The following ZDHHC1 variants were observed in gnomAD, a reference collection of about 807,000 sequenced individuals.
ZDHHC1 encodes zDHHC palmitoyltransferase 1.
Under a neutral mutation model 46.9 loss-of-function variants are expected in ZDHHC1, and 45 were observed. The ratio of observed to expected loss-of-function variants is 0.96; its 90% confidence interval spans 0.76 to 1.23. The LOEUF (loss-of-function observed/expected upper bound fraction) is 1.23, where lower values mean the gene tolerates loss of function less well. Ranked by LOEUF, ZDHHC1 falls within the 50% of genes most tolerant of loss-of-function variation. The probability of loss-of-function intolerance (pLI) is 0.00; values close to 1 mark genes in which losing one functional copy is unlikely to be tolerated. For synonymous variants in ZDHHC1, 291 were observed against 286.0 expected (o/e 1.02, Z -0.18); for missense variants, 649 against 670.8 (o/e 0.97, Z 0.36).
At chr16:67,414,121 C>T (rs955384095) in intron 1 of ZDHHC1, among the ~76,000 whole-genome samples, 2 of 152,076 alleles carry the variant, frequency 1.3e-5, no homozygotes, top group Non-Finnish European at 2.9e-5. Context: ...GGGAGTAACA[C>T]AGAATAGAAA....
rs1311750849 is a variant in ZDHHC1 at position 67,394,775 on chromosome 16, C to T, written c.1284G>A (p.Glu428=). The T allele has an allele frequency of 2.0e-6, 3 of 1,530,654 alleles. No individual in the cohort carries two copies. The highest frequency in any genetic ancestry group is 2.8e-5 in the African/African-American group (2 of 72,488). The allele number at this position is 1,530,654 out of a possible 1,614,324, so 94.8% of individuals were successfully genotyped here. ...YHSASAESVD[E]IPVAQTRLGS... is the part of the protein sequence containing the mutation. Reference sequence around the variant, plus strand: ...CCAGGCGCGTCTGCGCCACTGGAATCTCGTCCACGGACTCTGCCGACGCCG... The same window carrying T: ...CCAGGCGCGTCTGCGCCACTGGAATTTCGTCCACGGACTCTGCCGACGCCG... The change falls in exon 12 of 12, where the codon GAG becomes GAA. Residue 428 remains glutamate (E), a synonymous_variant. Coordinates refer to ENST00000565726, the MANE Select transcript of ZDHHC1 (RefSeq NM_001323627.2).
intron 8 of ZDHHC1, chr16:67,396,265 C>T (rs1037536447): frequency 6.6e-6 from 1 of 152,166 alleles, no homozygotes; most frequent in African/African-American, 2.4e-5. Flanking sequence ...TGCACCCCCG[C>T]CCGCAGGACT....
intron 8 of ZDHHC1, among the ~76,000 whole-genome samples, chr16:67,397,061 C>T (rs969707819): frequency 1.3e-5 from 2 of 152,344 alleles, no homozygotes; most frequent in Admixed American, 1.3e-4. Flanking sequence ...GGGCCCTCAG[C>T]CTCAGCTCTC....
At chr16:67,403,434 C>A (rs981241780) in intron 3 of ZDHHC1, among the ~76,000 whole-genome samples, 1 of 152,102 alleles carries the variant, frequency 6.6e-6, no homozygotes, top group Non-Finnish European at 1.5e-5. Context: ...TGCTAGTTCT[C>A]GGCCTCTAAT....
chr16:67,399,424 T>C lies in ZDHHC1; in HGVS notation c.461A>G (p.Asn154Ser), dbSNP rs766169565. 1 of 1,613,286 alleles carries C rather than the reference T, an allele frequency of 6.2e-7. No homozygotes were observed. The highest frequency in any genetic ancestry group is 8.5e-7 in the Non-Finnish European group (1 of 1,179,822). ...SARSKHCSACNKCVCGFDHHC... is the reference protein window; with the variant it reads ...SARSKHCSACSKCVCGFDHHC... ...GTGGTCGAAACCGCACACGCACTTG[T>C]TGCAGGCGCTGCAGTGCTTGGAGCG... The change falls in exon 5 of 12, where the codon AAC (asparagine) becomes AGC (serine). Residue 154 changes from asparagine (N) to serine (S), a missense_variant. By Grantham distance (46) the Asn-to-Ser change is conservative. Transcript: ENST00000565726.
At chr16:67,413,081 ATT>A (rs797011908) in intron 1 of ZDHHC1, among the ~76,000 whole-genome samples, 5 of 130,544 alleles carry the variant, frequency 3.8e-5, no homozygotes, top group African/African-American at 5.7e-5. Flanking sequence ...CACCCAGCCT[ATT>A]TTTTTTTTTT....
At chr16:67,404,475 C>G in intron 3 of ZDHHC1, 1 of 325,508 alleles carries the variant, frequency 3.1e-6, no homozygotes. Flanking sequence ...CTCAGGGGAC[C>G]TGAGAGAGCC....
Position 67,398,198 on chromosome 16 carries a change from T to G in ZDHHC1, c.927+14A>C. On this transcript the variant is annotated intron_variant, in intron 8 of 11. Transcript: ENST00000565726. ...CCCACACCCAGGCCCCCTCCCACCC[T>G]TCATCCTCTATACCTGAATGGGCCG... 1.1e-4 allele frequency: 132 copies of G among 1,216,026 alleles called. No homozygotes were observed. The highest frequency in any genetic ancestry group is 1.5e-4 in the Non-Finnish European group (125 of 835,472). The allele number at this position is 1,216,026 out of a possible 1,614,324, so 75.3% of individuals were successfully genotyped here.
intron 8 of ZDHHC1, chr16:67,395,819 C>G: frequency 1.9e-6 from 1 of 529,490 alleles, no homozygotes; most frequent in South Asian, 2.2e-5. Flanking sequence ...GCTCCCAGCC[C>G]CCATGGGTCT....
intron 8 of ZDHHC1, among the ~76,000 whole-genome samples, chr16:67,397,218 C>T (rs963394610): frequency 9.2e-5 from 14 of 152,254 alleles, no homozygotes; most frequent in Non-Finnish European, 1.8e-4. Flanking sequence ...CCAAAGAGCC[C>T]GCCCTGCTTC....
intron 3 of ZDHHC1, among the ~76,000 whole-genome samples, chr16:67,403,504 G>A (rs1444745871): frequency 3.9e-5 from 6 of 152,176 alleles, no homozygotes; most frequent in Admixed American, 6.5e-5. Context: ...GACCAGTGCC[G>A]TGGAAACAGA....
rs543966422 is a variant in ZDHHC1, at chr16:67,399,270, C to T, written c.530+85G>A. The T allele has an allele frequency of 4.9e-4, 621 of 1,276,164 alleles. 1 individual carries two copies. Among genetic ancestry groups the T allele is most frequent in the Non-Finnish European group, 6.6e-4 (599 of 904,072 alleles). The allele number at this position is 1,276,164 out of a possible 1,614,324, so 79.1% of individuals were successfully genotyped here. ...TCCTCGAAGCATCCCCATCCCCGCCCGCCTGCCATGCGAGCTGCAAGGTCT... is the reference window on the plus strand; with the variant it reads ...TCCTCGAAGCATCCCCATCCCCGCCTGCCTGCCATGCGAGCTGCAAGGTCT... On this transcript the variant is annotated intron_variant, in intron 5 of 11. Transcript: ENST00000565726.
Position 67,406,098 on chromosome 16 carries a change from T to G in ZDHHC1, c.252+102A>C. 1 of 1,466,818 alleles carries G rather than the reference T, an allele frequency of 6.8e-7. No individual in the cohort carries two copies. Among genetic ancestry groups the G allele is most frequent in the South Asian group, 1.4e-5 (1 of 69,132 alleles). The allele number at this position is 1,466,818 out of a possible 1,614,324, so 90.9% of individuals were successfully genotyped here. On this transcript the variant is annotated intron_variant, in intron 3 of 11. Transcript: ENST00000565726. The surrounding 1 kb of genome is among the most constrained non-coding windows in gnomAD (Gnocchi z 4.1). ...GCCCACCCTGCTCCACTCTCCTGACTGTGCTCCCCAAGGCTCTCAACCCGG... is the reference window on the plus strand; with the variant it reads ...GCCCACCCTGCTCCACTCTCCTGACGGTGCTCCCCAAGGCTCTCAACCCGG...
At chr16:67,413,082 T>C (rs1409243611) in intron 1 of ZDHHC1, among the ~76,000 whole-genome samples, 1 of 138,628 alleles carries the variant, frequency 7.2e-6, no homozygotes, top group East Asian at 2.0e-4. Flanking sequence ...ACCCAGCCTA[T>C]TTTTTTTTTT....
Position 67,394,773 on chromosome 16 carries a change from A to C in ZDHHC1, c.1286T>G (p.Ile429Ser). The change falls in exon 12 of 12, where the codon ATT becomes AGT. Residue 429 changes from isoleucine (I) to serine (S), a missense_variant. Physicochemically the swap from Ile to Ser is moderately radical, Grantham distance 142. Coordinates refer to ENST00000565726, the MANE Select transcript of ZDHHC1 (RefSeq NM_001323627.2). The stretch of plus-strand genomic sequence containing the variant: ...GCCCAGGCGCGTCTGCGCCACTGGA[A>C]TCTCGTCCACGGACTCTGCCGACGC... ...HSASAESVDE[I>S]PVAQTRLGSA... The C allele has an allele frequency of 5.2e-6, 8 of 1,529,906 alleles. No individual in the cohort carries two copies. The highest frequency in any genetic ancestry group is 7.0e-6 in the Non-Finnish European group (8 of 1,144,062). 94.8% of individuals were successfully genotyped at this position (1,529,906 alleles called of 1,614,324 possible). A position where few individuals can be genotyped will look rare whatever the true frequency, so the allele number is the denominator to read the frequency against.
Position 67,394,790 on chromosome 16 carries a change from T to G in ZDHHC1, c.1269A>C (p.Ala423=). The G allele has an allele frequency of 6.5e-7, 1 of 1,534,774 alleles. No homozygotes were observed. The highest frequency in any genetic ancestry group is 8.7e-7 in the Non-Finnish European group (1 of 1,145,462). Residue 423 remains alanine (A), a synonymous_variant, in exon 12 of 12, where the codon GCA becomes GCC. Transcript: ENST00000565726. ...GPAGAYHSAS[A]ESVDEIPVAQ... ...CCACTGGAATCTCGTCCACGGACTCTGCCGACGCCGAGTGGTAGGCGCCGG... is the reference window on the plus strand; with the variant it reads ...CCACTGGAATCTCGTCCACGGACTCGGCCGACGCCGAGTGGTAGGCGCCGG...
At position 67,406,535 on chromosome 16, in the gene ZDHHC1, G is replaced by C. The variant is rs1411434563; in HGVS notation, c.10-93C>G. Reference sequence around the variant, plus strand: ...CTGCAGCCAAGTTTCAGCACAGGGGGAGTAGGCTGCGACAGCTACTCTGCT... The same window carrying C: ...CTGCAGCCAAGTTTCAGCACAGGGGCAGTAGGCTGCGACAGCTACTCTGCT... On this transcript the variant is annotated intron_variant, in intron 2 of 11. Coordinates refer to ENST00000565726, the MANE Select transcript of ZDHHC1 (RefSeq NM_001323627.2). This position sits in a 1 kb window ranked among gnomAD's most constrained non-coding sequence, Gnocchi z 4.1. The C allele has an allele frequency of 7.1e-7, 1 of 1,411,722 alleles. No individual in the cohort carries two copies. The highest frequency in any genetic ancestry group is 9.3e-7 in the Non-Finnish European group (1 of 1,075,740). The allele number at this position is 1,411,722 out of a possible 1,614,324, so 87.4% of individuals were successfully genotyped here. A position where few individuals can be genotyped will look rare whatever the true frequency, so the allele number is the denominator to read the frequency against.
chr16:67,412,483 G>A (rs1434207231), intron 1 of ZDHHC1, among the ~76,000 whole-genome samples: 1 of 152,226 alleles, frequency 6.6e-6, no homozygotes, highest in East Asian at 1.9e-4. Flanking sequence ...TAACAAGGGG[G>A]CTTGGTTTTA....
At chr16:67,407,693 G>A in intron 2 of ZDHHC1, 74 bp downstream of exon 2, 1 of 777,580 alleles carries the variant, frequency 1.3e-6, no homozygotes, top group Non-Finnish European at 2.4e-6. Flanking sequence ...TTCCCCAAAG[G>A]CAGCAAATGT....
Sources: gnomAD v4.1 joint callset for allele counts (sites outside exome capture counted in the v4.1 genomes callset) on GRCh38, gnomAD v4.1.1 for gene constraint, Gnocchi (gnomAD v3.1) non-coding constraint, MANE v1.5 for transcripts, NCBI Gene and HGNC (gene_info 2026-07-23, HGNC 2026-07-21) for gene names.